VCL: variants seen among roughly 807,000 people sequenced by gnomAD.
VCL encodes the protein vinculin.
Under a neutral mutation model 125.7 loss-of-function variants are expected in VCL, and 47 were observed. The observed-to-expected ratio is 0.37, with a 90% CI of 0.30 to 0.48. The LOEUF (loss-of-function observed/expected upper bound fraction) is 0.48. Ranked by LOEUF, VCL falls within the 20% of genes least tolerant of loss-of-function variation. The pLI is 0.99. For missense variants in VCL, 1,069 were observed against 1,455.5 expected (o/e 0.73, Z 4.32); for synonymous variants, 458 against 514.6 (o/e 0.89, Z 1.49).
chr10:74,088,759 G>A (rs6480715), intron 8 of VCL, among the ~76,000 whole-genome samples: 96,962 of 152,030 alleles, frequency 0.64, 32,735 homozygotes, highest in East Asian at 0.98. Context: ...AACACTATGC[G>A]TGCTTCCTCC....
chr10:73,998,525 C>T, intron 1 of VCL, 150 bp downstream of exon 1: 1 of 775,292 alleles, frequency 1.3e-6, no homozygotes, highest in Non-Finnish European at 1.8e-6. Context: ...GGCCTCTTCT[C>T]CGCCCTGTGA....
At chr10:74,101,599 A>T (rs1591710469) in intron 14 of VCL, among the ~76,000 whole-genome samples, 2 of 121,542 alleles carry the variant, frequency 1.6e-5, no homozygotes, top group Admixed American at 1.2e-4. Context: ...CCCAGGCCGG[A>T]CTGTGGACTG....
chr10:74,075,573 C>T (rs1410057150), intron 6 of VCL: 1 of 152,868 alleles, frequency 6.5e-6, no homozygotes, highest in Non-Finnish European at 1.5e-5. Flanking sequence ...TGACTGTGAA[C>T]CAAGCTTTCA....
At chr10:74,093,656 A>G (rs908593760) in intron 10 of VCL, among the ~76,000 whole-genome samples, 1 of 151,520 alleles carries the variant, frequency 6.6e-6, no homozygotes, top group Non-Finnish European at 1.5e-5. Flanking sequence ...TTAATTAGCC[A>G]GGTGTGGTGG....
chr10:74,054,818 G>A (rs953293022), intron 2 of VCL, among the ~76,000 whole-genome samples: 2 of 152,066 alleles, frequency 1.3e-5, no homozygotes, highest in Non-Finnish European at 1.5e-5. Flanking sequence ...CTACTCGGGT[G>A]ACTGAGGCAG....
chr10:74,075,999 G>C (rs1201124787), intron 6 of VCL: 1 of 152,566 alleles, frequency 6.6e-6, no homozygotes, highest in African/African-American at 2.4e-5. Flanking sequence ...TTTTAACTCT[G>C]ATATTTTATT....
chr10:74,035,909 A>G (rs535970968), intron 1 of VCL, among the ~76,000 whole-genome samples: 1 of 152,240 alleles, frequency 6.6e-6, no homozygotes, highest in Non-Finnish European at 1.5e-5. Flanking sequence ...AACTATGTAC[A>G]TAGCATTTAT....
Position 74,094,533 on chromosome 10 carries a change from C to T in VCL, c.1543+72C>T. On this transcript the variant is annotated intron_variant, in intron 11 of 21. Coordinates refer to ENST00000211998, the MANE Select transcript of VCL (RefSeq NM_014000.3). The stretch of plus-strand genomic sequence containing the variant: ...AAATAAGCAAGTTGTTGATAGGGGT[C>T]CTGTAACATCTGTAATTAGGTAAGG... 3.3e-6 allele frequency: 5 copies of T among 1,528,388 alleles called. No individual in the cohort carries two copies. In the Admixed American group the frequency reaches 7.7e-5, roughly 24 times the overall value. The allele number at this position is 1,528,388 out of a possible 1,614,324, so 94.7% of individuals were successfully genotyped here. A position where few individuals can be genotyped will look rare whatever the true frequency, so the allele number is the denominator to read the frequency against.
In VCL at chr10:74,117,699, A is replaced by C. The variant is rs546371597; in HGVS notation, c.3259-324A>C. On this transcript the variant is annotated intron_variant, in intron 21 of 21. Transcript: ENST00000211998. ...TCCTCACCAAGGTGACAAGTGAGCA[A>C]AGATCTGAAGGTGAGGGGATCCCTG... Among the ~76,000 whole-genome samples, 15 of 152,328 alleles carry C rather than the reference A, an allele frequency of 9.8e-5. 2 individuals carry two copies. The highest frequency in any genetic ancestry group is 3.4e-4 in the African/African-American group (14 of 41,586).
At chr10:74,046,811 A>G (rs1841203568) in intron 2 of VCL, among the ~76,000 whole-genome samples, 1 of 152,186 alleles carries the variant, frequency 6.6e-6, no homozygotes. Context: ...TTGTCAGGAA[A>G]CTTATTTTTG....
intron 9 of VCL, 56 bp downstream of exon 9, chr10:74,089,405 A>G (rs1423862541): frequency 4.4e-6 from 7 of 1,605,458 alleles, no homozygotes; most frequent in Admixed American, 1.7e-5. Flanking sequence ...ATCCTAAGTC[A>G]TAAATATCCT....
At position 74,106,913 on chromosome 10, in the gene VCL, C is replaced by T. The variant is rs181818984; in HGVS notation, c.2435-317C>T. Among the ~76,000 whole-genome samples the T allele has an allele frequency of 1.2e-3, 180 of 152,276 alleles. 1 individual carries two copies. Among genetic ancestry groups the T allele is most frequent in the Non-Finnish European group, 2.3e-3 (157 of 68,024 alleles). ...TTGGGCAGGCTTATCTCTTGACTGCCTCATCATAAGAGAGGTGATGGATGC... is the reference window on the plus strand; with the variant it reads ...TTGGGCAGGCTTATCTCTTGACTGCTTCATCATAAGAGAGGTGATGGATGC... On this transcript the variant is annotated intron_variant, in intron 16 of 21. Coordinates refer to ENST00000211998, the MANE Select transcript of VCL (RefSeq NM_014000.3).
At chr10:74,084,054 A>T (rs1839726290) in intron 8 of VCL, among the ~76,000 whole-genome samples, 2 of 152,098 alleles carry the variant, frequency 1.3e-5, no homozygotes, top group Non-Finnish European at 2.9e-5. Context: ...TTTAGTACAG[A>T]CGGGGTTTCA....
At chr10:74,078,532 G>A (rs1015489678) in intron 6 of VCL, among the ~76,000 whole-genome samples, 4 of 152,116 alleles carry the variant, frequency 2.6e-5, no homozygotes, top group African/African-American at 9.7e-5. Flanking sequence ...GTTAATTCAG[G>A]CATTTATGAT....
At chr10:74,108,949 C>A (rs533412480) in intron 17 of VCL, 22 bp from the exon 18 acceptor site, 3 of 1,613,790 alleles carry the variant, frequency 1.9e-6, no homozygotes, top group East Asian at 4.5e-5. Flanking sequence ...ACTTTACTTA[C>A]AACTTGTTTT....
rs972376041 is a variant in VCL at position 74,119,524 on chromosome 10, A to G, written c.*1355A>G. On this transcript the variant is annotated 3_prime_UTR_variant, in exon 22 of 22. Transcript: ENST00000211998. ...TTTCTTATCACCACAGTAAGTTCCT[A>G]CTAGGCAAAATGAGAGGGCAGTGTT... 1 of 152,222 alleles carries G rather than the reference A, an allele frequency of 6.6e-6. No individual in the cohort carries two copies. The allele number at this position is 152,222 out of a possible 1,614,324, so 9.4% of individuals were successfully genotyped here.
In VCL at chr10:74,089,865, T is replaced by TCA. The variant is rs10652052; in HGVS notation, c.1177-158_1177-157insCA. Among the ~76,000 whole-genome samples the TCA allele has an allele frequency of 0.071, 10,732 of 152,188 alleles. 1,302 individuals are homozygous for TCA. Among genetic ancestry groups the TCA allele is most frequent in the African/African-American group, 0.24 (10,133 of 41,444 alleles). On this transcript the variant is annotated intron_variant, in intron 9 of 21. Coordinates refer to ENST00000211998, the MANE Select transcript of VCL (RefSeq NM_014000.3). The stretch of plus-strand genomic sequence containing the variant: ...ATTTTAAAAAGATGAGAGATTGAGT[T>TCA]TCTTATCTAAGAACCTCCATACAAT...
intron 13 of VCL, 51 bp from the exon 14 acceptor site, chr10:74,100,897 C>G (rs1364271834): frequency 6.2e-7 from 1 of 1,610,066 alleles, no homozygotes; most frequent in Non-Finnish European, 8.5e-7. Context: ...CTTAGGCTGC[C>G]TGACCCATTT....
chr10:74,062,389 A>G (rs1380624790), intron 2 of VCL, among the ~76,000 whole-genome samples: 1 of 62,922 alleles, frequency 1.6e-5, no homozygotes, highest in African/African-American at 6.7e-5. Flanking sequence ...TTTTTTTTGT[A>G]GAGATGGAGT....
Sources: allele counts gnomAD v4.1 joint callset (sites outside exome capture counted in the v4.1 genomes callset), GRCh38; gene constraint gnomAD v4.1.1; transcripts MANE v1.5; gene names NCBI Gene and HGNC (gene_info 2026-07-23, HGNC 2026-07-21).